Variants in TLR2 observed in about 807,000 individuals in gnomAD.
TLR2 encodes the protein toll-like receptor 2.
A neutral mutation model predicts 9.1 loss-of-function variants in TLR2; 7 were observed. That is an observed-to-expected ratio of 0.77 (90% CI 0.44 to 1.44). TLR2 has a LOEUF of 1.44. TLR2 is among the 40% of genes most tolerant of loss of function. TLR2 has a pLI of 0.01. For synonymous variants in TLR2, 317 were observed against 344.6 expected (o/e 0.92, Z 0.89); for missense variants, 812 against 904.6 (o/e 0.90, Z 1.31).
chr4:153,686,120 C>A (rs1443618027), intron 1 of TLR2, among the ~76,000 whole-genome samples: 3 of 152,174 alleles, frequency 2.0e-5, no homozygotes, highest in Non-Finnish European at 4.4e-5. Context: ...TATGAGGGTA[C>A]AGCCTTCATA....
downstream of TLR2, among the ~76,000 whole-genome samples, chr4:153,707,060 C>T (rs1737355816): frequency 6.6e-6 from 1 of 152,040 alleles, no homozygotes; most frequent in Non-Finnish European, 1.5e-5. Context: ...ATATTTCATT[C>T]CCTTATATAT....
chr4:153,688,866 G>A (rs62323831), intron 2 of TLR2, among the ~76,000 whole-genome samples: 25,234 of 152,206 alleles, frequency 0.17, 2,129 homozygotes, highest in East Asian at 0.27. Context: ...TTGGGAGCCT[G>A]TTCCCACATG....
chr4:153,685,643 T>C (rs573909418), intron 1 of TLR2, among the ~76,000 whole-genome samples: 1 of 152,352 alleles, frequency 6.6e-6, no homozygotes, highest in Admixed American at 6.5e-5. Flanking sequence ...CTTTATAATG[T>C]ACCCATTTTA....
At chr4:153,709,661 G>A (rs866592838), downstream of TLR2, among the ~76,000 whole-genome samples, 3 of 152,212 alleles carry the variant, frequency 2.0e-5, no homozygotes, top group African/African-American at 7.2e-5. Context: ...GAAGTACTAT[G>A]AAGAAAATAA....
downstream of TLR2, among the ~76,000 whole-genome samples, chr4:153,706,711 A>G (rs987978377): frequency 6.6e-6 from 1 of 152,218 alleles, no homozygotes; most frequent in African/African-American, 2.4e-5. Context: ...CCCCTGCTCA[A>G]TTCTCAACCA....
chr4:153,695,362 C>T (rs1736418941), intron 2 of TLR2, among the ~76,000 whole-genome samples: 1 of 152,138 alleles, frequency 6.6e-6, no homozygotes, highest in Admixed American at 6.5e-5. Context: ...TGGATAAAAG[C>T]CATTTTAACT....
intron 1 of TLR2, among the ~76,000 whole-genome samples, chr4:153,684,833 G>A (rs1377097548): frequency 6.6e-6 from 1 of 152,110 alleles, no homozygotes; most frequent in Non-Finnish European, 1.5e-5. Context: ...GCCCCGGCCC[G>A]GCCCTCCCGC....
intron 2 of TLR2, among the ~76,000 whole-genome samples, chr4:153,693,902 C>T (rs987859268): frequency 8.5e-5 from 13 of 152,288 alleles, no homozygotes; most frequent in African/African-American, 3.1e-4. Context: ...GTTTGAGTCC[C>T]CACGTTGGGC....
intron 1 of TLR2, among the ~76,000 whole-genome samples, chr4:153,684,761 G>T (rs528846966): frequency 6.6e-6 from 1 of 151,214 alleles, no homozygotes; most frequent in Admixed American, 6.6e-5. Context: ...GCCGCGGAGA[G>T]CTTCCGCTGG....
rs751131041 is a variant in TLR2, at chr4:153,704,642, C to T, written c.1735C>T (p.Arg579Cys). The change falls in exon 3 of 3, where the codon CGC (arginine) becomes TGC (cysteine). Residue 579 changes from arginine to cysteine, a missense_variant. Coordinates refer to ENST00000642700, the MANE Select transcript of TLR2 (RefSeq NM_001318789.2). ...HVRGQQVQDVRLSVSECHRTA... is the reference protein window; with the variant it reads ...HVRGQQVQDVCLSVSECHRTA... ...GCGTGGCCAGCAGGTTCAGGATGTC[C>T]GCCTCTCGGTGTCGGAATGTCACAG... is the stretch of plus-strand genomic sequence containing the variant. 25 of 1,613,240 alleles carry T rather than the reference C, an allele frequency of 1.5e-5. No homozygotes were observed. Among genetic ancestry groups the T allele is most frequent in the East Asian group, 1.3e-4 (6 of 44,868 alleles).
In TLR2 at chr4:153,703,647, C is replaced by T. The variant is rs781594129; in HGVS notation, c.740C>T (p.Thr247Ile). The change falls in exon 3 of 3, where the codon ACA (threonine) becomes ATA (isoleucine). Residue 247 changes from threonine to isoleucine, a missense_variant. Thr to Ile is a moderately conservative substitution (Grantham distance 89). Coordinates refer to ENST00000642700, the MANE Select transcript of TLR2 (RefSeq NM_001318789.2). ...FHFSELSTGE[T>I]NSLIKKFTFR... ...TTTTCAGAACTATCCACTGGTGAAA[C>T]AAATTCATTGATTAAAAAGTTTACA... The T allele has an allele frequency of 1.9e-6, 3 of 1,613,186 alleles. No homozygotes were observed. Among genetic ancestry groups the T allele is most frequent in the Non-Finnish European group, 2.5e-6 (3 of 1,179,738 alleles).
At chr4:153,700,546 G>A (rs528271152) in intron 2 of TLR2, among the ~76,000 whole-genome samples, 1 of 152,242 alleles carries the variant, frequency 6.6e-6, no homozygotes, top group East Asian at 1.9e-4. Context: ...TAAAATCTCA[G>A]TGGACTTTGT....
At chr4:153,701,902 A>G (rs1189758875) in intron 2 of TLR2, 3 of 152,218 alleles carry the variant, frequency 2.0e-5, no homozygotes, top group African/African-American at 7.2e-5. Flanking sequence ...TGTACAGCTC[A>G]GGCCTTTATA....
chr4:153,704,020 G>C lies in TLR2; in HGVS notation c.1113G>C (p.Leu371Phe). ...AATACTTGGATCTCAGTGAAAATTT[G>C]ATGGTTGAAGAATACTTGAAAAATT... Reference protein sequence around the residue: ...SLEYLDLSENLMVEEYLKNSA... With the variant: ...SLEYLDLSENFMVEEYLKNSA... The change falls in exon 3 of 3, where the codon TTG (leucine) becomes TTC (phenylalanine). Residue 371 changes from leucine to phenylalanine, a missense_variant. Physicochemically the swap from Leu to Phe is conservative, Grantham distance 22. Coordinates refer to ENST00000642700, the MANE Select transcript of TLR2 (RefSeq NM_001318789.2). 6.2e-7 allele frequency: 1 copy of C among 1,614,002 alleles called. No homozygotes were observed. Among genetic ancestry groups the C allele is most frequent in the Non-Finnish European group, 8.5e-7 (1 of 1,179,990 alleles).
chr4:153,693,637 C>A (rs1368180335), intron 2 of TLR2, among the ~76,000 whole-genome samples: 3 of 152,152 alleles, frequency 2.0e-5, no homozygotes, highest in Non-Finnish European at 4.4e-5. Flanking sequence ...CCCTCCTTTG[C>A]CACTTTAGCT....
chr4:153,705,115 T>C lies in TLR2; in HGVS notation c.2208T>C (p.Leu736=), dbSNP rs147628499. ...DENNDAAILI[L]LEPIEKKAIP... is the part of the protein sequence containing the mutation. ...ACAATGATGCTGCCATTCTCATTCT[T>C]CTGGAGCCCATTGAGAAAAAAGCCA... Residue 736 remains leucine (L), a synonymous_variant, in exon 3 of 3, where the codon CTT becomes CTC. Coordinates refer to ENST00000642700, the MANE Select transcript of TLR2 (RefSeq NM_001318789.2). 1 of 1,614,068 alleles carries C rather than the reference T, an allele frequency of 6.2e-7. No individual in the cohort carries two copies. Among genetic ancestry groups the C allele is most frequent in the Non-Finnish European group, 8.5e-7 (1 of 1,180,032 alleles).
At chr4:153,692,771 G>T (rs755533738) in intron 2 of TLR2, among the ~76,000 whole-genome samples, 6 of 152,138 alleles carry the variant, frequency 3.9e-5, no homozygotes, top group Non-Finnish European at 8.8e-5. Context: ...GTCCCAGGTT[G>T]TCCATTGGGC....
At chr4:153,710,525 C>G (rs1197039049), downstream of TLR2, 3 of 1,593,228 alleles carry the variant, frequency 1.9e-6, no homozygotes, top group Non-Finnish European at 2.6e-6. Context: ...CTATATACAG[C>G]CAAGTAGCAG....
chr4:153,697,025 C>A (rs974954726), intron 2 of TLR2, among the ~76,000 whole-genome samples: 4 of 151,688 alleles, frequency 2.6e-5, no homozygotes, highest in African/African-American at 9.7e-5. Context: ...TAATATTTGT[C>A]CTAAAGTAGA....
Sources: gnomAD v4.1 joint callset for allele counts (sites outside exome capture counted in the v4.1 genomes callset) on GRCh38, gnomAD v4.1.1 for gene constraint, MANE v1.5 for transcripts, NCBI Gene and HGNC (gene_info 2026-07-23, HGNC 2026-07-21) for gene names.